The following MYO16 variants were observed in gnomAD, a reference collection of about 807,000 sequenced individuals.
MYO16 encodes the protein myosin XVI, also known as unconventional myosin-XVI.
In MYO16, 94 loss-of-function variants were observed where a neutral mutation model predicts 205.3. The observed-to-expected ratio is 0.46, with a 90% CI of 0.39 to 0.54. The LOEUF (loss-of-function observed/expected upper bound fraction) is 0.54, where lower values mean the gene tolerates loss of function less well. Among genes scored for constraint, MYO16 ranks in the 20% least tolerant of loss-of-function variants. MYO16 has a pLI of 0.00. For missense variants in MYO16, 2,315 were observed against 2,387.5 expected, an observed-to-expected ratio of 0.97 and a Z score of 0.63; for synonymous variants, 988 against 954.0, an observed-to-expected ratio of 1.04 and a Z score of -0.66.
intron 2 of MYO16, among the ~76,000 whole-genome samples, chr13:108,667,766 C>G (rs1019970066): frequency 6.6e-6 from 1 of 152,120 alleles, no homozygotes. Flanking sequence ...ATAATTGGTG[C>G]CAGGTATGGT....
chr13:108,522,381 A>G, the MYO16 span, among the ~76,000 whole-genome samples: 1 of 152,192 alleles, frequency 6.6e-6, no homozygotes, highest in African/African-American at 2.4e-5. Flanking sequence ...TGGATTTACA[A>G]TTGTATTTCA....
intron 23 of MYO16, among the ~76,000 whole-genome samples, chr13:109,040,321 C>T (rs1402174253): frequency 6.8e-6 from 1 of 146,196 alleles, no homozygotes; most frequent in Non-Finnish European, 1.5e-5. Flanking sequence ...TTTGATAAAG[C>T]AAGTATTATC....
intron 20 of MYO16, among the ~76,000 whole-genome samples, chr13:108,976,540 G>A (rs932390813): frequency 1.3e-5 from 2 of 152,130 alleles, no homozygotes; most frequent in East Asian, 1.9e-4. Flanking sequence ...AAGGATATGT[G>A]TAAGAAAGAT....
chr13:109,023,703 GTA>G (rs1886236814), intron 23 of MYO16, among the ~76,000 whole-genome samples: 1 of 119,820 alleles, frequency 8.3e-6, no homozygotes, highest in South Asian at 2.7e-4. Flanking sequence ...ATGTATATAT[GTA>G]TATATACAAA....
At chr13:108,640,872 C>G (rs1880475698) in intron 1 of MYO16, among the ~76,000 whole-genome samples, 1 of 152,154 alleles carries the variant, frequency 6.6e-6, no homozygotes, top group East Asian at 1.9e-4. Flanking sequence ...TAAATTAATG[C>G]TAGAATAGAA....
the MYO16 span, among the ~76,000 whole-genome samples, chr13:108,532,245 A>G: frequency 2.0e-5 from 3 of 151,904 alleles, no homozygotes; most frequent in Non-Finnish European, 1.5e-5. Flanking sequence ...AAATAAATGA[A>G]AAATAAGAGC....
intron 16 of MYO16, among the ~76,000 whole-genome samples, chr13:108,954,086 C>T (rs1883256540): frequency 6.6e-6 from 1 of 152,138 alleles, no homozygotes; most frequent in African/African-American, 2.4e-5. Context: ...ATAAACATGC[C>T]GCTGTATTCG....
At chr13:108,774,057 C>A (rs1886051926) in intron 4 of MYO16, among the ~76,000 whole-genome samples, 1 of 152,000 alleles carries the variant, frequency 6.6e-6, no homozygotes, top group African/African-American at 2.4e-5. Context: ...CGCCACTGCA[C>A]TCCAGTCTGA....
At chr13:108,545,665 A>G in the MYO16 span, among the ~76,000 whole-genome samples, 1 of 151,382 alleles carries the variant, frequency 6.6e-6, no homozygotes, top group East Asian at 1.9e-4. Context: ...AGCATCTGTT[A>G]TTTTTTTTTA....
At position 109,018,227 on chromosome 13, in the gene MYO16, C is replaced by T. The variant is rs1181042488; in HGVS notation, c.2596-1484C>T. 2.6e-5 allele frequency among the ~76,000 whole-genome samples: 4 copies of T among 152,322 alleles called. No individual in the cohort carries two copies. The East Asian group carries it at 7.7e-4, about 29-fold the overall frequency. On this transcript the variant is annotated intron_variant, in intron 22 of 34. Transcript: ENST00000457511. Reference sequence around the variant, plus strand: ...TTTTCCTTCTAACTGTCAGGTCTCTCAGCTGCAGGTCTGTTGGAGTTTGTT... The same window carrying T: ...TTTTCCTTCTAACTGTCAGGTCTCTTAGCTGCAGGTCTGTTGGAGTTTGTT...
At position 108,957,383 on chromosome 13, in the gene MYO16, C is replaced by CAAAA. The variant is rs33954239; in HGVS notation, c.1926-290_1926-287dup. Among the ~76,000 whole-genome samples, 622 of 96,684 alleles carry CAAAA rather than the reference C, an allele frequency of 6.4e-3. 20 individuals carry two copies. The highest frequency in any genetic ancestry group is 0.02 in the African/African-American group (476 of 23,414). The allele number at this position is 96,684 out of a possible 152,430, so 63.4% of individuals were successfully genotyped here. ...GGATGACAAGAGTGAAACTCCATCT[C>CAAAA]AAAAAAAAAAAAAAAAAACAAAAAC... On this transcript the variant is annotated intron_variant, in intron 16 of 34. Coordinates refer to ENST00000457511, the MANE Select transcript of MYO16 (RefSeq NM_001198950.3).
At position 108,852,166 on chromosome 13, in the gene MYO16, T is replaced by C. The variant is rs150500179; in HGVS notation, c.1249-3277T>C. On this transcript the variant is annotated intron_variant, in intron 10 of 34. Transcript: ENST00000457511. ...ATTTTTCTCTTTTCAAAGCATCCTG[T>C]TTTTCCCTTCACGTACATTTTGTAC... Among the ~76,000 whole-genome samples, 46 of 152,352 alleles carry C rather than the reference T, an allele frequency of 3.0e-4. No individual in the cohort carries two copies. The East Asian group carries it at 3.7e-3, about 12-fold the overall frequency.
intron 33 of MYO16, among the ~76,000 whole-genome samples, chr13:109,176,774 A>G (rs1879212027): frequency 1.4e-5 from 2 of 142,772 alleles, no homozygotes; most frequent in Admixed American, 6.9e-5. Context: ...CCTCCTCCAC[A>G]TGCCCGTCTC....
In MYO16 at chr13:108,599,681, G is replaced by A. The variant is rs183918959; in HGVS notation, c.-39+3442G>A. Among the ~76,000 whole-genome samples the A allele has an allele frequency of 4.6e-5, 7 of 151,956 alleles. No individual in the cohort carries two copies. In the East Asian group the frequency reaches 1.2e-3, roughly 25 times the overall value. On this transcript the variant is annotated intron_variant, in intron 1 of 24. Transcript: ENST00000251041. ...GCATTAAAAAAAATATCAAATGCCC[G>A]CTGTGAGGTTTCTGTGAATTCCCAG... is the stretch of plus-strand genomic sequence containing the variant.
intron 27 of MYO16, among the ~76,000 whole-genome samples, chr13:109,081,346 A>G (rs1432027737): frequency 1.3e-5 from 2 of 152,210 alleles, no homozygotes; most frequent in Non-Finnish European, 2.9e-5. Flanking sequence ...TGAAAACTCA[A>G]AGACACCTCC....
chr13:108,811,713 G>A (rs1000277529), intron 7 of MYO16, among the ~76,000 whole-genome samples: 3 of 151,974 alleles, frequency 2.0e-5, no homozygotes, highest in East Asian at 1.9e-4. Flanking sequence ...GGACTGTGTC[G>A]AGATACTTAA....
intron 5 of MYO16, among the ~76,000 whole-genome samples, chr13:108,791,250 A>G (rs1330648938): frequency 1.3e-5 from 2 of 152,216 alleles, no homozygotes; most frequent in Non-Finnish European, 2.9e-5. Flanking sequence ...TTTCTACTAA[A>G]ATGGACTAGT....
At chr13:109,180,824 A>G (rs777308492) in intron 34 of MYO16, among the ~76,000 whole-genome samples, 3 of 152,228 alleles carry the variant, frequency 2.0e-5, no homozygotes, top group Non-Finnish European at 2.9e-5. Context: ...AGATGCATCT[A>G]CTTTACCTTG....
Position 108,610,771 on chromosome 13 carries a change from G to A in MYO16, c.-39+14532G>A, listed in dbSNP as rs574537720. On this transcript the variant is annotated intron_variant, in intron 1 of 24. Coordinates refer to the MYO16 transcript ENST00000251041. ...TTGACAAGGAAGAGGTGACCTTGAGGCAGAAGAGAGGAGGAGAGCTGAGAG... is the reference window on the plus strand; with the variant it reads ...TTGACAAGGAAGAGGTGACCTTGAGACAGAAGAGAGGAGGAGAGCTGAGAG... Among the ~76,000 whole-genome samples, 3 of 152,300 alleles carry A rather than the reference G, an allele frequency of 2.0e-5. No individual in the cohort carries two copies. In the East Asian group the frequency reaches 5.8e-4, roughly 29 times the overall value.
Sources: allele counts gnomAD v4.1 joint callset (sites outside exome capture counted in the v4.1 genomes callset), GRCh38; gene constraint gnomAD v4.1.1; transcripts MANE v1.5; gene names NCBI Gene and HGNC (gene_info 2026-07-23, HGNC 2026-07-21).